The following DLGAP2 variants were observed in gnomAD, a reference collection of about 807,000 sequenced individuals.
The protein encoded by DLGAP2 is disks large-associated protein 2.
In DLGAP2, 26 loss-of-function variants were observed where a neutral mutation model predicts 100.3. The observed-to-expected ratio is 0.26, with a 90% CI of 0.19 to 0.36. The LOEUF is 0.36. DLGAP2 is among the 10% of genes least tolerant of loss of function. The probability of loss-of-function intolerance (pLI) is 1.00; values close to 1 mark genes in which losing one functional copy is unlikely to be tolerated. For synonymous variants in DLGAP2, 886 were observed against 630.1 expected, an observed-to-expected ratio of 1.41 and a Z score of -6.08; for missense variants, 1,858 against 1,453.2, an observed-to-expected ratio of 1.28 and a Z score of -4.53.
At chr8:1,174,357 T>G (rs1216719013) in intron 2 of DLGAP2, among the ~76,000 whole-genome samples, 1 of 151,356 alleles carries the variant, frequency 6.6e-6, no homozygotes, top group Admixed American at 6.6e-5. Flanking sequence ...ATCATTACCA[T>G]CACCAAAATC....
At chr8:1,325,087 C>T (rs546689031) in intron 3 of DLGAP2, among the ~76,000 whole-genome samples, 16 of 152,186 alleles carry the variant, frequency 1.1e-4, no homozygotes, top group Non-Finnish European at 1.8e-4. Context: ...TTGGCCTCCA[C>T]CTCACCCAAC....
chr8:1,105,566 A>C (rs538478210), intron 2 of DLGAP2, among the ~76,000 whole-genome samples: 53 of 149,834 alleles, frequency 3.5e-4, no homozygotes, highest in Non-Finnish European at 1.5e-4. Context: ...TGCACTATCT[A>C]CTGAAGGGAG....
chr8:1,148,243 A>G (rs1796639593), intron 2 of DLGAP2, among the ~76,000 whole-genome samples: 1 of 152,144 alleles, frequency 6.6e-6, no homozygotes, highest in African/African-American at 2.4e-5. Flanking sequence ...CAAATTAGTG[A>G]TAGAAAATTA....
intron 1 of DLGAP2, among the ~76,000 whole-genome samples, chr8:892,531 C>G (rs1026096353): frequency 1.3e-5 from 2 of 151,856 alleles, no homozygotes; most frequent in African/African-American, 4.9e-5. Flanking sequence ...ATGGGGGGTG[C>G]CAGGGGCTGG....
At chr8:760,441 C>T (rs1821051943) in intron 1 of DLGAP2, among the ~76,000 whole-genome samples, 1 of 152,196 alleles carries the variant, frequency 6.6e-6, no homozygotes, top group Non-Finnish European at 1.5e-5. Context: ...TGATGTCCGT[C>T]TTCAAATAAT....
intron 2 of DLGAP2, among the ~76,000 whole-genome samples, chr8:1,013,527 T>TG (rs1311938356): frequency 2.0e-5 from 3 of 151,232 alleles, no homozygotes; most frequent in African/African-American, 7.3e-5. Context: ...GTGATGGGGG[T>TG]GGGTGATGAT....
At chr8:1,188,687 T>C (rs1430662043) in intron 2 of DLGAP2, among the ~76,000 whole-genome samples, 3 of 151,962 alleles carry the variant, frequency 2.0e-5, no homozygotes, top group Non-Finnish European at 4.4e-5. Flanking sequence ...CAGGAAGAGA[T>C]GTTGCTTCTC....
At chr8:1,182,804 G>C (rs898002112) in intron 2 of DLGAP2, among the ~76,000 whole-genome samples, 2 of 152,192 alleles carry the variant, frequency 1.3e-5, no homozygotes, top group Non-Finnish European at 2.9e-5. Context: ...GAGAGTCCAC[G>C]GGTCGGCAAC....
At chr8:1,298,204 C>T (rs73670717) in intron 3 of DLGAP2, among the ~76,000 whole-genome samples, 2,747 of 152,068 alleles carry the variant, frequency 0.018, 91 homozygotes, top group African/African-American at 0.062. Context: ...GGACACCACG[C>T]GAGATAGGGA....
chr8:916,851 C>G (rs1372091516), intron 2 of DLGAP2, among the ~76,000 whole-genome samples: 3 of 152,090 alleles, frequency 2.0e-5, no homozygotes, highest in African/African-American at 7.2e-5. Flanking sequence ...GGTCTGGAAG[C>G]CTGGAGTTGA....
At chr8:1,383,642 T>C (rs1240374671) in intron 3 of DLGAP2, among the ~76,000 whole-genome samples, 1 of 152,174 alleles carries the variant, frequency 6.6e-6, no homozygotes, top group Non-Finnish European at 1.5e-5. Context: ...TGGTTCCCCT[T>C]AGTGGCTGGG....
chr8:1,334,891 T>G (rs11136384), intron 3 of DLGAP2, among the ~76,000 whole-genome samples: 62,187 of 152,084 alleles, frequency 0.41, 14,822 homozygotes, highest in African/African-American at 0.66. Context: ...TGTTCTTTCT[T>G]CTCCTCCCCG....
chr8:1,639,242 G>A (rs772382937), intron 8 of DLGAP2, among the ~76,000 whole-genome samples: 33 of 152,242 alleles, frequency 2.2e-4, no homozygotes, highest in East Asian at 1.2e-3. Context: ...AGCCCACAGC[G>A]TCAGCATCGT....
intron 4 of DLGAP2, among the ~76,000 whole-genome samples, chr8:1,545,743 T>C (rs955447971): frequency 5.3e-5 from 8 of 152,230 alleles, no homozygotes; most frequent in African/African-American, 1.4e-4. Flanking sequence ...CAGTCCTGTA[T>C]AGTGGAAATG....
chr8:795,349 C>T (rs1415966940), intron 1 of DLGAP2, among the ~76,000 whole-genome samples: 2 of 152,172 alleles, frequency 1.3e-5, no homozygotes, highest in Non-Finnish European at 2.9e-5. Flanking sequence ...CGAGCTTGGG[C>T]GAAGCTTCTC....
rs138806599 is a variant in DLGAP2 at position 858,309 on chromosome 8, C to T, written c.19-49603C>T. 5.3e-5 allele frequency among the ~76,000 whole-genome samples: 8 copies of T among 152,370 alleles called. No homozygotes were observed. In the East Asian group the frequency reaches 9.6e-4, roughly 18 times the overall value. On this transcript the variant is annotated intron_variant, in intron 1 of 14. Coordinates refer to ENST00000637795, the MANE Select transcript of DLGAP2 (RefSeq NM_001346810.2). ...GAGCAACCGTAAATGCACGTGACTA[C>T]GTGAAAGAAGCCTGTCGCAAAAGGC...
chr8:1,358,186 T>G (rs1358190176), intron 3 of DLGAP2, among the ~76,000 whole-genome samples: 1 of 152,174 alleles, frequency 6.6e-6, no homozygotes, highest in Non-Finnish European at 1.5e-5. Flanking sequence ...GAAAAGTTAT[T>G]CAAAAGGATG....
At chr8:1,110,107 T>TGGGTCTGTGAGGTGTGCAC (rs1804901065) in intron 2 of DLGAP2, among the ~76,000 whole-genome samples, 1 of 115,852 alleles carries the variant, frequency 8.6e-6, no homozygotes, top group South Asian at 3.2e-4. Context: ...GAGGTGTGCA[T>TGGGTCTGTGAGGTGTGCAC]GGGTCTGTGA....
chr8:1,101,380 A>G (rs1804573269), intron 2 of DLGAP2, among the ~76,000 whole-genome samples: 1 of 152,330 alleles, frequency 6.6e-6, no homozygotes, highest in African/African-American at 2.4e-5. Flanking sequence ...ATTCCGCCAC[A>G]GGCTACAAAG....
Sources: gnomAD v4.1 joint callset for allele counts (sites outside exome capture counted in the v4.1 genomes callset) on GRCh38, gnomAD v4.1.1 for gene constraint, MANE v1.5 for transcripts, NCBI Gene and HGNC (gene_info 2026-07-23, HGNC 2026-07-21) for gene names.